Variants in LEMD3 observed in about 807,000 individuals in gnomAD.
The protein encoded by LEMD3 is inner nuclear membrane protein Man1.
Under a neutral mutation model 95.2 loss-of-function variants are expected in LEMD3, and 33 were observed. That is an observed-to-expected ratio of 0.35 (90% confidence interval 0.26 to 0.46). The LOEUF (loss-of-function observed/expected upper bound fraction) is 0.46, where lower values mean the gene tolerates loss of function less well. Ranked by LOEUF, LEMD3 falls within the 20% of genes least tolerant of loss-of-function variation. The pLI is 1.00. For missense variants in LEMD3, 1,210 were observed against 1,192.8 expected, an observed-to-expected ratio of 1.01 and a Z score of -0.21; for synonymous variants, 525 against 474.6, an observed-to-expected ratio of 1.11 and a Z score of -1.38.
chr12:65,202,990 A>G (rs1869651378), intron 1 of LEMD3, among the ~76,000 whole-genome samples: 1 of 152,116 alleles, frequency 6.6e-6, no homozygotes, highest in Non-Finnish European at 1.5e-5. Context: ...TCAAGGAACC[A>G]GCTTCTGGTT....
rs376432823 is a variant in LEMD3, at chr12:65,170,431, G to C, written c.835G>C (p.Asp279His). The change falls in exon 1 of 13, where the codon GAC becomes CAC. Residue 279 changes from aspartate (D) to histidine (H), a missense_variant. Around this residue, in one of 2 missense-constraint regions of LEMD3, gnomAD observed 749 missense variants for 622.9 expected, o/e 1.20. Coordinates refer to ENST00000308330, the MANE Select transcript of LEMD3 (RefSeq NM_014319.5). ...CTCCAGCAGACAGGTATTAAAGGAC[G>C]ACTCCCTTTCCCGGCATCGGCCCAG... The part of the protein sequence containing the change: ...VASSRQVLKD[D>H]SLSRHRPRRT... 32 of 1,613,902 alleles carry C rather than the reference G, an allele frequency of 2.0e-5. No homozygotes were observed. Among genetic ancestry groups the C allele is most frequent in the Non-Finnish European group, 2.5e-5 (30 of 1,180,000 alleles).
intron 1 of LEMD3, among the ~76,000 whole-genome samples, chr12:65,206,346 A>C (rs1869763943): frequency 6.6e-6 from 1 of 152,184 alleles, no homozygotes; most frequent in South Asian, 2.1e-4. Flanking sequence ...ATGGAGTTTT[A>C]GATACAAGAG....
chr12:65,245,405 C>G, intron 10 of LEMD3: 1 of 400,438 alleles, frequency 2.5e-6, no homozygotes, highest in Non-Finnish European at 4.6e-6. Flanking sequence ...TCTCAAAGTG[C>G]TGGGATTACA....
intron 1 of LEMD3, among the ~76,000 whole-genome samples, chr12:65,182,819 A>G (rs1436172814): frequency 1.3e-5 from 2 of 152,178 alleles, no homozygotes; most frequent in Non-Finnish European, 2.9e-5. Context: ...AGCTTCTGTT[A>G]ATACTGTGTG....
intron 9 of LEMD3, 82 bp from the exon 10 acceptor site, chr12:65,243,306 T>C (rs1870989530): frequency 2.3e-6 from 2 of 874,254 alleles, no homozygotes; most frequent in Non-Finnish European, 3.9e-6. Context: ...GCAGTGAATA[T>C]TTTTTGAATG....
At chr12:65,181,357 CTATG>C (rs1868897746) in intron 1 of LEMD3, among the ~76,000 whole-genome samples, 1 of 152,126 alleles carries the variant, frequency 6.6e-6, no homozygotes, top group Non-Finnish European at 1.5e-5. Flanking sequence ...AGCACCTATA[CTATG>C]TACCAGGTAA....
chr12:65,221,550 T>C (rs1393185875), intron 4 of LEMD3, among the ~76,000 whole-genome samples: 1 of 151,910 alleles, frequency 6.6e-6, no homozygotes, highest in Non-Finnish European at 1.5e-5. Context: ...GTGAAATCTT[T>C]AGGGCTTTCT....
intron 1 of LEMD3, among the ~76,000 whole-genome samples, chr12:65,177,864 G>A (rs12320914): frequency 4.1e-5 from 6 of 146,280 alleles, no homozygotes; most frequent in South Asian, 4.3e-4. Flanking sequence ...TTCAATATGA[G>A]ACAGGGTCTT....
chr12:65,177,598 T>A (rs1868763743), intron 1 of LEMD3, among the ~76,000 whole-genome samples: 1 of 152,130 alleles, frequency 6.6e-6, no homozygotes, highest in Non-Finnish European at 1.5e-5. Flanking sequence ...GAGAGACTGG[T>A]GCTGAATGTG....
intron 1 of LEMD3, among the ~76,000 whole-genome samples, chr12:65,210,720 G>A (rs1223911497): frequency 2.6e-5 from 4 of 152,136 alleles, no homozygotes; most frequent in Admixed American, 6.5e-5. Flanking sequence ...TGATTGTGAG[G>A]AAAACCACTA....
chr12:65,207,802 T>G (rs1422202457), intron 1 of LEMD3, among the ~76,000 whole-genome samples: 1 of 152,058 alleles, frequency 6.6e-6, no homozygotes, highest in East Asian at 1.9e-4. Flanking sequence ...ACTTTGAAGT[T>G]TATAAACGTA....
intron 1 of LEMD3, among the ~76,000 whole-genome samples, chr12:65,178,506 A>G (rs928770000): frequency 6.6e-6 from 1 of 152,208 alleles, no homozygotes; most frequent in Non-Finnish European, 1.5e-5. Flanking sequence ...CAAGTTGCTT[A>G]GCCATTGTAA....
chr12:65,238,435 A>G lies in LEMD3; in HGVS notation c.1696-67A>G, dbSNP rs12308860. ...AAAAATGTTATATAGAGTGTGTTAT[A>G]AAGGATACTTTACAGAGAGTCGAAT... On this transcript the variant is annotated intron_variant, in intron 4 of 12. Transcript: ENST00000308330. 9.0e-3 allele frequency: 8,623 copies of G among 956,198 alleles called. 500 individuals are homozygous for G. The African/African-American group carries it at 0.13, about 14-fold the overall frequency. The allele number at this position is 956,198 out of a possible 1,614,324, so 59.2% of individuals were successfully genotyped here.
At chr12:65,178,020 A>G (rs1037072624) in intron 1 of LEMD3, among the ~76,000 whole-genome samples, 28 of 151,818 alleles carry the variant, frequency 1.8e-4, no homozygotes, top group African/African-American at 6.5e-4. Context: ...AATTTTTTGT[A>G]TTTTTTGTTG....
rs148515397 is a variant in LEMD3 at position 65,217,785 on chromosome 12, C to T, written c.1628-767C>T. ...CCAGATCATAGGTGGAAACTTGTAC[C>T]TGATTTCCCTGTTGGTCTGTTATAA... On this transcript the variant is annotated intron_variant, in intron 3 of 12. Coordinates refer to ENST00000308330, the MANE Select transcript of LEMD3 (RefSeq NM_014319.5). Among the ~76,000 whole-genome samples the T allele has an allele frequency of 9.4e-4, 143 of 152,228 alleles. 1 individual carries two copies. The highest frequency in any genetic ancestry group is 3.3e-3 in the African/African-American group (138 of 41,542).
At chr12:65,200,054 A>G (rs1328284690) in intron 1 of LEMD3, among the ~76,000 whole-genome samples, 5 of 147,434 alleles carry the variant, frequency 3.4e-5, no homozygotes, top group African/African-American at 1.3e-4. Context: ...TGCACCCCCA[A>G]CCCCTCTGCC....
chr12:65,183,046 A>T (rs193088339), intron 1 of LEMD3, among the ~76,000 whole-genome samples: 2 of 152,294 alleles, frequency 1.3e-5, no homozygotes, highest in East Asian at 3.9e-4. Flanking sequence ...CATACGAAGC[A>T]CATAATGAAA....
intron 1 of LEMD3, among the ~76,000 whole-genome samples, chr12:65,190,261 TGGCTA>T (rs1383267720): frequency 6.6e-6 from 1 of 152,102 alleles, no homozygotes; most frequent in African/African-American, 2.4e-5. Context: ...ACTTCCTCCT[TGGCTA>T]GGGCACCCTA....
At chr12:65,181,113 G>A (rs555486185) in intron 1 of LEMD3, among the ~76,000 whole-genome samples, 31 of 152,228 alleles carry the variant, frequency 2.0e-4, no homozygotes, top group African/African-American at 7.2e-4. Flanking sequence ...CATATGAAGA[G>A]GATTGTTGAA....
Sources: allele counts gnomAD v4.1 joint callset (sites outside exome capture counted in the v4.1 genomes callset), GRCh38; gene constraint gnomAD v4.1.1; regional missense constraint gnomAD v4.1.1; transcripts MANE v1.5; gene names NCBI Gene and HGNC (gene_info 2026-07-23, HGNC 2026-07-21).